The following CNTLN variants were observed in gnomAD, a reference collection of about 807,000 sequenced individuals.
CNTLN encodes centlein.
A neutral mutation model predicts 180.0 loss-of-function variants in CNTLN; 212 were observed. The ratio of observed to expected loss-of-function variants is 1.18; its 90% confidence interval spans 1.05 to 1.32. The LOEUF (loss-of-function observed/expected upper bound fraction) is 1.32, where lower values mean the gene tolerates loss of function less well. Ranked by LOEUF, CNTLN falls within the 40% of genes most tolerant of loss-of-function variation. The pLI is 0.00. For synonymous variants in CNTLN, 722 were observed against 563.1 expected (o/e 1.28, Z -3.99); for missense variants, 2,095 against 1,610.9 (o/e 1.30, Z -5.14).
intron 10 of CNTLN, among the ~76,000 whole-genome samples, chr9:17,339,428 C>T (rs1821301843): frequency 1.3e-5 from 2 of 152,202 alleles, no homozygotes; most frequent in Admixed American, 6.5e-5. Flanking sequence ...GGGGCCCCAC[C>T]ACCTAGGTTA....
intron 18 of CNTLN, among the ~76,000 whole-genome samples, chr9:17,444,598 T>A (rs1830297933): frequency 6.6e-6 from 1 of 152,128 alleles, no homozygotes; most frequent in Non-Finnish European, 1.5e-5. Flanking sequence ...AACTACTGAT[T>A]TAGAAGAAAA....
In CNTLN at chr9:17,214,321, T is replaced by G. The variant is rs1382144835; in HGVS notation, c.450-11882T>G. The stretch of plus-strand genomic sequence containing the variant: ...TTTCTCCTTCACTTATGAAGCTTAG[T>G]TTGGCTGGATATGAAATTCTGGGTT... On this transcript the variant is annotated intron_variant, in intron 2 of 25. Transcript: ENST00000380647. Among the ~76,000 whole-genome samples the G allele has an allele frequency of 2.0e-5, 3 of 152,292 alleles. No individual in the cohort carries two copies. In the East Asian group the frequency reaches 5.8e-4, roughly 29 times the overall value.
chr9:17,502,056 A>T (rs887841797), intron 25 of CNTLN, among the ~76,000 whole-genome samples: 4 of 151,950 alleles, frequency 2.6e-5, no homozygotes, highest in Admixed American at 6.5e-5. Context: ...TAACAACTTA[A>T]TCAATGGGTA....
chr9:17,314,257 C>T (rs1447749274), intron 8 of CNTLN, among the ~76,000 whole-genome samples: 1 of 152,028 alleles, frequency 6.6e-6, no homozygotes, highest in African/African-American at 2.4e-5. Flanking sequence ...GGTTTGATCA[C>T]TATTGTTTTC....
rs112920912 is a variant in CNTLN at position 17,371,667 on chromosome 9, T to C, written c.1987+4950T>C. ...TCCAATGGCTGCAGAATACACATTC[T>C]TCTCCCCAGCACATCGATCATTCTC... is the stretch of plus-strand genomic sequence containing the variant. On this transcript the variant is annotated intron_variant, in intron 13 of 25. Coordinates refer to ENST00000380647, the MANE Select transcript of CNTLN (RefSeq NM_017738.4). 6.6e-5 allele frequency among the ~76,000 whole-genome samples: 10 copies of C among 152,264 alleles called. 1 individual carries two copies. The highest frequency in any genetic ancestry group is 2.4e-4 in the African/African-American group (10 of 41,572).
At chr9:17,343,318 T>C (rs541609020) in intron 12 of CNTLN, among the ~76,000 whole-genome samples, 40 of 152,204 alleles carry the variant, frequency 2.6e-4, no homozygotes, top group Non-Finnish European at 4.1e-4. Context: ...GCATACAGTT[T>C]TTTAAAGCCT....
chr9:17,314,517 A>T (rs1231035166), intron 8 of CNTLN, among the ~76,000 whole-genome samples: 1 of 152,198 alleles, frequency 6.6e-6, no homozygotes, highest in East Asian at 1.9e-4. Context: ...AGGTCTGCTT[A>T]GTGCATGAAC....
chr9:17,350,205 C>T (rs1257555415), intron 12 of CNTLN, among the ~76,000 whole-genome samples: 1 of 152,142 alleles, frequency 6.6e-6, no homozygotes, highest in Non-Finnish European at 1.5e-5. Flanking sequence ...TTCTCTAATC[C>T]AGCAAATTAT....
At chr9:17,446,396 G>T (rs1323966334) in intron 18 of CNTLN, among the ~76,000 whole-genome samples, 3 of 152,138 alleles carry the variant, frequency 2.0e-5, no homozygotes, top group Non-Finnish European at 4.4e-5. Context: ...ATATATTTAA[G>T]AAACATATGT....
intron 5 of CNTLN, among the ~76,000 whole-genome samples, chr9:17,267,968 T>A (rs1827616893): frequency 6.6e-6 from 1 of 152,134 alleles, no homozygotes; most frequent in African/African-American, 2.4e-5. Flanking sequence ...TTAACTTCTT[T>A]CCCATTGGTT....
In CNTLN at chr9:17,455,280, C is replaced by G. The variant is rs79299346; in HGVS notation, c.3115-2244C>G. On this transcript the variant is annotated intron_variant, in intron 18 of 25. Transcript: ENST00000380647. ...CATTTCTATGCATATATACCTAACA[C>G]TGGAAATATGTTTTCAAGATTGTAG... Among the ~76,000 whole-genome samples, 1,908 of 152,190 alleles carry G rather than the reference C, an allele frequency of 0.013. 118 individuals are homozygous for G. In the East Asian group the frequency reaches 0.21, roughly 16 times the overall value.
chr9:17,361,076 T>G (rs1823347529), intron 12 of CNTLN, among the ~76,000 whole-genome samples: 1 of 152,184 alleles, frequency 6.6e-6, no homozygotes, highest in South Asian at 2.1e-4. Flanking sequence ...AAATTATTAT[T>G]ATACTTTAAG....
At position 17,308,122 on chromosome 9, in the gene CNTLN, A is replaced by G. The variant is rs557752600; in HGVS notation, c.1147-936A>G. On this transcript the variant is annotated intron_variant, in intron 7 of 25. Transcript: ENST00000380647. ...TTGGATTATATCTCATTAAATCACA[A>G]TTATACATTAGGATCAAGTTCACAA... is the stretch of plus-strand genomic sequence containing the variant. 8.7e-4 allele frequency among the ~76,000 whole-genome samples: 133 copies of G among 152,186 alleles called. 1 individual carries two copies. The highest frequency in any genetic ancestry group is 3.1e-3 in the African/African-American group (128 of 41,518).
At chr9:17,312,567 T>C (rs1237314140) in intron 8 of CNTLN, among the ~76,000 whole-genome samples, 1 of 141,790 alleles carries the variant, frequency 7.1e-6, no homozygotes, top group African/African-American at 2.6e-5. Flanking sequence ...TTTTTTTTTT[T>C]TTTTTTTTTG....
chr9:17,447,132 G>T, intron 18 of CNTLN: 1 of 216,444 alleles, frequency 4.6e-6, no homozygotes, highest in African/African-American at 2.3e-5. Flanking sequence ...AGCTTCTCCC[G>T]CTGCGGTGTC....
intron 2 of CNTLN, among the ~76,000 whole-genome samples, chr9:17,173,977 C>A (rs1820565138): frequency 6.6e-6 from 1 of 152,188 alleles, no homozygotes. Flanking sequence ...ACCCCACTCA[C>A]TTCACTCTTT....
chr9:17,268,254 A>T (rs1219304909), intron 5 of CNTLN, among the ~76,000 whole-genome samples: 1 of 152,120 alleles, frequency 6.6e-6, no homozygotes, highest in African/African-American at 2.4e-5. Context: ...TCCTTCTATC[A>T]GACAGGACCC....
At chr9:17,305,901 A>C (rs770281792) in intron 7 of CNTLN, among the ~76,000 whole-genome samples, 1 of 152,286 alleles carries the variant, frequency 6.6e-6, no homozygotes, top group South Asian at 2.1e-4. Flanking sequence ...GAATAAGATA[A>C]GAATTTTTCC....
chr9:17,513,027 G>A, the CNTLN span, among the ~76,000 whole-genome samples: 3 of 152,062 alleles, frequency 2.0e-5, no homozygotes, highest in Non-Finnish European at 2.9e-5. Flanking sequence ...CACCGTGTTA[G>A]CCAGAATGGT....
Sources: allele counts gnomAD v4.1 joint callset (sites outside exome capture counted in the v4.1 genomes callset), GRCh38; gene constraint gnomAD v4.1.1; transcripts MANE v1.5; gene names NCBI Gene and HGNC (gene_info 2026-07-23, HGNC 2026-07-21).